Variants in FAM107A observed in about 807,000 individuals in gnomAD.
FAM107A encodes actin-associated protein FAM107A.
FAM107A carries 19 observed loss-of-function variants against 13.7 expected under a neutral mutation model. The observed-to-expected ratio is 1.38, with a 90% CI of 0.97 to 2.03. FAM107A has a LOEUF of 2.03. Ranked by LOEUF, FAM107A falls within the 30% of genes most tolerant of loss-of-function variation. FAM107A has a pLI of 0.00. For missense variants in FAM107A, 203 were observed against 184.4 expected, an observed-to-expected ratio of 1.10 and a Z score of -0.58; for synonymous variants, 82 against 74.5, an observed-to-expected ratio of 1.10 and a Z score of -0.52.
chr3:58,568,596 C>T (rs34277058), intron 2 of FAM107A, among the ~76,000 whole-genome samples: 54,991 of 151,774 alleles, frequency 0.36, 10,759 homozygotes, highest in East Asian at 0.77. Context: ...ATTAAAGGGA[C>T]GAGTCTAAAA....
chr3:58,593,067 A>G (rs2065667114), intron 1 of FAM107A, among the ~76,000 whole-genome samples: 1 of 152,134 alleles, frequency 6.6e-6, no homozygotes, highest in Non-Finnish European at 1.5e-5. Flanking sequence ...TCAGTCATCT[A>G]TAGTACTCCA....
At chr3:58,625,655 C>T (rs112472601) in intron 1 of FAM107A, among the ~76,000 whole-genome samples, 22 of 152,340 alleles carry the variant, frequency 1.4e-4, no homozygotes, top group African/African-American at 5.1e-4. Flanking sequence ...GGCCATGCTG[C>T]TCAGCATAAA....
Position 58,611,818 on chromosome 3 carries a change from A to G in FAM107A, c.-70+15598T>C, listed in dbSNP as rs150176815. On this transcript the variant is annotated intron_variant, in intron 1 of 3. Coordinates refer to the FAM107A transcript ENST00000465970. ...TCACGGGGTTGTTGTAGGATGGTGC[A>G]CGTAAAGTATTTGGATAGAGTTCTG... Among the ~76,000 whole-genome samples, 80 of 152,372 alleles carry G rather than the reference A, an allele frequency of 5.3e-4. No homozygotes were observed. The East Asian group carries it at 0.012, about 22-fold the overall frequency.
chr3:58,590,384 C>T (rs1021277695), upstream of FAM107A, among the ~76,000 whole-genome samples: 12 of 152,204 alleles, frequency 7.9e-5, no homozygotes, highest in African/African-American at 2.9e-4. Flanking sequence ...TTTCTGGAGT[C>T]CATCCACTTC....
At chr3:58,579,828 C>T (rs370208385), upstream of FAM107A, among the ~76,000 whole-genome samples, 9 of 152,298 alleles carry the variant, frequency 5.9e-5, no homozygotes, top group South Asian at 4.1e-4. Flanking sequence ...CGTCATTTTC[C>T]GTGGGCAGTT....
intron 1 of FAM107A, chr3:58,609,262 A>G (rs1181990735): frequency 6.6e-6 from 1 of 152,198 alleles, no homozygotes; most frequent in Non-Finnish European, 1.5e-5. Context: ...CTTTTTCTGT[A>G]AAATGAGGTA....
chr3:58,595,195 C>T (rs1247894237), intron 1 of FAM107A, among the ~76,000 whole-genome samples: 1 of 152,074 alleles, frequency 6.6e-6, no homozygotes, highest in Non-Finnish European at 1.5e-5. Context: ...CATACCACCC[C>T]CAAAAATTTT....
intron 2 of FAM107A, among the ~76,000 whole-genome samples, chr3:58,568,830 G>C (rs1013178573): frequency 2.0e-5 from 3 of 152,136 alleles, no homozygotes; most frequent in Non-Finnish European, 4.4e-5. Flanking sequence ...AGTCCTCCAA[G>C]GGGAGGCTCA....
upstream of FAM107A, among the ~76,000 whole-genome samples, chr3:58,589,437 G>A (rs192344106): frequency 1.4e-4 from 22 of 152,272 alleles, no homozygotes; most frequent in African/African-American, 5.3e-4. Flanking sequence ...ATGGATGTGT[G>A]TGTGTGTGTG....
At chr3:58,583,394 G>T (rs1473501662) in intron 1 of FAM107A, among the ~76,000 whole-genome samples, 1 of 152,144 alleles carries the variant, frequency 6.6e-6, no homozygotes, top group African/African-American at 2.4e-5. Flanking sequence ...AGGCCAAGGC[G>T]GGTGGATGAC....
At chr3:58,615,320 C>T (rs13080308) in intron 1 of FAM107A, among the ~76,000 whole-genome samples, 65,760 of 152,012 alleles carry the variant, frequency 0.43, 15,699 homozygotes, top group South Asian at 0.61. Context: ...GTAACTTTGA[C>T]ATTTAGCTCA....
chr3:58,582,398 C>G (rs116356682), upstream of FAM107A, among the ~76,000 whole-genome samples: 1 of 152,308 alleles, frequency 6.6e-6, no homozygotes, highest in African/African-American at 2.4e-5. Flanking sequence ...GGGGAGGTGC[C>G]TTTTTGTCCA....
At chr3:58,572,917 C>A (rs2063698372) in intron 1 of FAM107A, 1 of 152,194 alleles carries the variant, frequency 6.6e-6, no homozygotes, top group African/African-American at 2.4e-5. Flanking sequence ...TCTTGAAATT[C>A]CAAATGCATT....
At chr3:58,587,026 G>C (rs2065614408) in exon 1 of FAM107A, 11 of 1,373,012 alleles carry the variant, frequency 8.0e-6, no homozygotes, top group Non-Finnish European at 1.0e-5. Flanking sequence ...CCTCCGCGAC[G>C]GTGACGCGGC....
rs7610394 is a variant in FAM107A at position 58,604,972 on chromosome 3, G to A, written c.-69-15703C>T. Among the ~76,000 whole-genome samples, 5,580 of 152,230 alleles carry A rather than the reference G, an allele frequency of 0.037. 214 individuals carry two copies. Among genetic ancestry groups the A allele is most frequent in the East Asian group, 0.16 (813 of 5,182 alleles). On this transcript the variant is annotated intron_variant, in intron 1 of 3. Transcript: ENST00000465970. The surrounding 1 kb of genome is among the most constrained non-coding windows in gnomAD (Gnocchi z 4.1). The stretch of plus-strand genomic sequence containing the variant: ...TTTTAGCAGGCAGTACAATTATTAG[G>A]TGATCCCTTTGAAGTTCCATGGGCT...
upstream of FAM107A, among the ~76,000 whole-genome samples, chr3:58,587,974 G>A (rs920975435): frequency 6.6e-6 from 1 of 152,214 alleles, no homozygotes; most frequent in Non-Finnish European, 1.5e-5. Flanking sequence ...AAGTCACACA[G>A]TGTAGGGCTG....
Position 58,599,696 on chromosome 3 carries a change from ATTTTTTTTTTTTTTTTTTT to A in FAM107A, c.-69-10446_-69-10428del, listed in dbSNP as rs57244654. ...GTGGTATACTTAAAACAAGTGCACC[ATTTTTTTTTTTTTTTTTTT>A]TTTTTTTTTTTTTTTTTTTTGAGAC... is the stretch of plus-strand genomic sequence containing the variant. On this transcript the variant is annotated intron_variant, in intron 1 of 3. Coordinates refer to the FAM107A transcript ENST00000465970. Among the ~76,000 whole-genome samples the A allele has an allele frequency of 1.6e-3, 125 of 78,590 alleles. 2 individuals carry two copies. Among genetic ancestry groups the A allele is most frequent in the Admixed American group, 2.3e-3 (18 of 7,808 alleles). The allele number at this position is 78,590 out of a possible 152,430, so 51.6% of individuals were successfully genotyped here.
rs2063606995 is a variant in FAM107A, at chr3:58,565,135, G to T, written c.*1453C>A. 6.6e-6 allele frequency: 1 copy of T among 152,158 alleles called. No individual in the cohort carries two copies. Among genetic ancestry groups the T allele is most frequent in the South Asian group, 2.1e-4 (1 of 4,826 alleles). The allele number at this position is 152,158 out of a possible 1,614,324, so 9.4% of individuals were successfully genotyped here. On this transcript the variant is annotated 3_prime_UTR_variant, in exon 4 of 4. Transcript: ENST00000360997. Reference sequence around the variant, plus strand: ...GGAAGCCAGAGGCAGGGATTTCAGGGGAAAAGAAACAGGCCTGGTTTATTC... The same window carrying T: ...GGAAGCCAGAGGCAGGGATTTCAGGTGAAAAGAAACAGGCCTGGTTTATTC...
At chr3:58,569,000 T>C (rs967993026) in intron 2 of FAM107A, among the ~76,000 whole-genome samples, 3 of 152,060 alleles carry the variant, frequency 2.0e-5, no homozygotes, top group Admixed American at 1.3e-4. Flanking sequence ...CCCACTTTGG[T>C]ATTGTGAGCT....
Sources: gnomAD v4.1 joint callset for allele counts (sites outside exome capture counted in the v4.1 genomes callset) on GRCh38, gnomAD v4.1.1 for gene constraint, Gnocchi (gnomAD v3.1) non-coding constraint, MANE v1.5 for transcripts, NCBI Gene and HGNC (gene_info 2026-07-23, HGNC 2026-07-21) for gene names.